The following NPSR1 variants were observed in gnomAD, a reference collection of about 807,000 sequenced individuals.
The protein encoded by NPSR1 is neuropeptide S receptor 1, also known as neuropeptide S receptor.
Under a neutral mutation model 46.9 loss-of-function variants are expected in NPSR1, and 48 were observed. That is an observed-to-expected ratio of 1.02 (90% CI 0.81 to 1.30). NPSR1 has a LOEUF of 1.30. NPSR1 is among the 50% of genes most tolerant of loss of function. The pLI, the probability that NPSR1 is intolerant of heterozygous loss-of-function variation, is 0.00. For synonymous variants in NPSR1, 176 were observed against 168.1 expected, an observed-to-expected ratio of 1.05 and a Z score of -0.36; for missense variants, 450 against 449.5, an observed-to-expected ratio of 1.00 and a Z score of -0.01.
chr7:34,779,101 A>C (rs1000809967), intron 3 of NPSR1, among the ~76,000 whole-genome samples: 1 of 152,070 alleles, frequency 6.6e-6, no homozygotes, highest in Admixed American at 6.6e-5. Context: ...AGTTTTTCTA[A>C]GATCTATTTT....
chr7:34,825,660 G>T (rs182367414), intron 4 of NPSR1, among the ~76,000 whole-genome samples: 9 of 152,282 alleles, frequency 5.9e-5, no homozygotes, highest in African/African-American at 2.2e-4. Context: ...GTGGCCACCA[G>T]CAAGACCCCA....
chr7:34,681,471 T>G (rs1310274888), intron 1 of NPSR1, among the ~76,000 whole-genome samples: 1 of 152,178 alleles, frequency 6.6e-6, no homozygotes. Flanking sequence ...AGTAGAGGTA[T>G]GCAGGGCCTT....
At position 34,753,556 on chromosome 7, in the gene NPSR1, A is replaced by G. The variant is rs550377611; in HGVS notation, c.281-24906A>G. Reference sequence around the variant, plus strand: ...TACTAAGTTTGGCATCAGTATGGTTACCCCTATCCCAGGAGCAGGTGACCA... The same window carrying G: ...TACTAAGTTTGGCATCAGTATGGTTGCCCCTATCCCAGGAGCAGGTGACCA... On this transcript the variant is annotated intron_variant, in intron 2 of 8. Transcript: ENST00000360581. 3 of 152,136 alleles carry G rather than the reference A, an allele frequency of 2.0e-5. No homozygotes were observed. In the South Asian group the frequency reaches 6.2e-4, roughly 32 times the overall value. The allele number at this position is 152,136 out of a possible 1,614,324, so 9.4% of individuals were successfully genotyped here. A position where few individuals can be genotyped will look rare whatever the true frequency, so the allele number is the denominator to read the frequency against.
chr7:34,733,337 T>C (rs555156548), intron 2 of NPSR1, among the ~76,000 whole-genome samples: 13 of 151,402 alleles, frequency 8.6e-5, no homozygotes, highest in Non-Finnish European at 1.0e-4. Context: ...GAGAATTGCT[T>C]GAACTCGGGA....
intron 2 of NPSR1, among the ~76,000 whole-genome samples, chr7:34,775,648 T>C (rs1333137362): frequency 2.6e-5 from 4 of 152,162 alleles, no homozygotes; most frequent in Non-Finnish European, 5.9e-5. Context: ...GCTAAAGGTT[T>C]GTCAATTTTG....
chr7:34,866,117 T>C (rs557504207), intron 8 of NPSR1, among the ~76,000 whole-genome samples: 11 of 151,996 alleles, frequency 7.2e-5, no homozygotes, highest in Admixed American at 1.3e-4. Flanking sequence ...ATACCCTGCA[T>C]AGCCCTGGAT....
chr7:34,665,915 C>T (rs1791727980), intron 1 of NPSR1, among the ~76,000 whole-genome samples: 1 of 152,114 alleles, frequency 6.6e-6, no homozygotes, highest in Non-Finnish European at 1.5e-5. Flanking sequence ...TTTAGGGACA[C>T]CTTTAGATCC....
intron 1 of NPSR1, among the ~76,000 whole-genome samples, chr7:34,659,414 T>C (rs1293381712): frequency 6.6e-6 from 1 of 152,190 alleles, no homozygotes. Context: ...AGATTCTAGT[T>C]GTTGCTTTGT....
intron 5 of NPSR1, among the ~76,000 whole-genome samples, chr7:34,832,249 C>G (rs1336646136): frequency 2.6e-5 from 4 of 152,178 alleles, no homozygotes; most frequent in Non-Finnish European, 5.9e-5. Context: ...GGAAAAGAGA[C>G]AAAGCCAAGT....
chr7:34,742,570 G>A (rs909690205), intron 2 of NPSR1, among the ~76,000 whole-genome samples: 2 of 152,148 alleles, frequency 1.3e-5, no homozygotes, highest in Non-Finnish European at 2.9e-5. Flanking sequence ...ATCTGTCATT[G>A]ATGGGCATTT....
intron 2 of NPSR1, among the ~76,000 whole-genome samples, chr7:34,725,417 T>C (rs1005069556): frequency 6.6e-5 from 10 of 152,132 alleles, no homozygotes; most frequent in African/African-American, 2.4e-4. Context: ...AGTTGGTAAG[T>C]GTTGGTTTTG....
intron 2 of NPSR1, among the ~76,000 whole-genome samples, chr7:34,699,721 C>G (rs750077226): frequency 6.6e-6 from 1 of 152,124 alleles, no homozygotes; most frequent in African/African-American, 2.4e-5. Flanking sequence ...GGGCCCCACC[C>G]TTGTTAACCT....
chr7:34,778,344 G>A (rs1583998807), intron 2 of NPSR1, 118 bp from the exon 3 acceptor site: 2 of 577,116 alleles, frequency 3.5e-6, no homozygotes, highest in South Asian at 5.0e-5. Flanking sequence ...AAAGCAGGAA[G>A]GAAAAAAATT....
At chr7:34,821,005 T>C (rs1020852593) in intron 4 of NPSR1, among the ~76,000 whole-genome samples, 3 of 152,132 alleles carry the variant, frequency 2.0e-5, no homozygotes, top group African/African-American at 7.2e-5. Flanking sequence ...CTGCCCATCA[T>C]GGCTTGGAAC....
At chr7:34,728,730 T>C (rs1784280785) in intron 2 of NPSR1, 2 of 152,694 alleles carry the variant, frequency 1.3e-5, no homozygotes, top group African/African-American at 4.8e-5. Flanking sequence ...ATGATAGCTA[T>C]ACGTACTTGT....
At chr7:34,739,808 G>A (rs1173296488) in intron 2 of NPSR1, among the ~76,000 whole-genome samples, 2 of 152,170 alleles carry the variant, frequency 1.3e-5, no homozygotes, top group East Asian at 3.9e-4. Flanking sequence ...TGGTGCAGGT[G>A]GCAGGGGGGT....
chr7:34,788,394 AAT>A (rs1787564767), intron 3 of NPSR1, among the ~76,000 whole-genome samples: 1 of 152,128 alleles, frequency 6.6e-6, no homozygotes, highest in Non-Finnish European at 1.5e-5. Flanking sequence ...ACAGAAAAAA[AAT>A]ATATGATAGC....
At chr7:34,777,888 TGTAATTCAACCAA>T (rs778557503) in intron 2 of NPSR1, among the ~76,000 whole-genome samples, 5 of 152,178 alleles carry the variant, frequency 3.3e-5, no homozygotes, top group Admixed American at 1.3e-4. Context: ...TTAGTGCCTC[TGTAATTCAACCAA>T]GTATATTAAT....
chr7:34,789,812 C>T (rs1434605768), intron 3 of NPSR1, among the ~76,000 whole-genome samples: 2 of 146,464 alleles, frequency 1.4e-5, no homozygotes, highest in Admixed American at 6.8e-5. Context: ...ACAAAAACTA[C>T]CAAGACTTTG....
Sources: gnomAD v4.1 joint callset for allele counts (sites outside exome capture counted in the v4.1 genomes callset) on GRCh38, gnomAD v4.1.1 for gene constraint, MANE v1.5 for transcripts, NCBI Gene and HGNC (gene_info 2026-07-23, HGNC 2026-07-21) for gene names.